The following MYOF variants were observed in gnomAD, a reference collection of about 807,000 sequenced individuals.
MYOF encodes the protein myoferlin, also known as fer-1-like 3, myoferlin.
Under a neutral mutation model 284.2 loss-of-function variants are expected in MYOF, and 244 were observed. The ratio of observed to expected loss-of-function variants is 0.86; its 90% CI spans 0.77 to 0.95. MYOF has a LOEUF of 0.95. Ranked by LOEUF, MYOF falls within the 40% of genes least tolerant of loss-of-function variation. The probability of loss-of-function intolerance (pLI) is 0.00; values close to 1 mark genes in which losing one functional copy is unlikely to be tolerated. For missense variants in MYOF, 2,496 were observed against 2,560.6 expected (o/e 0.97, Z 0.54); for synonymous variants, 904 against 919.7 (o/e 0.98, Z 0.31).
At chr10:93,464,367 C>T (rs1307707735) in intron 1 of MYOF, among the ~76,000 whole-genome samples, 1 of 152,208 alleles carries the variant, frequency 6.6e-6, no homozygotes, top group East Asian at 1.9e-4. Flanking sequence ...AACACATGCA[C>T]ACACATCCCA....
At chr10:93,351,163 T>G (rs770861416) in intron 35 of MYOF, 34 bp downstream of exon 35, 2 of 1,595,120 alleles carry the variant, frequency 1.3e-6, no homozygotes, top group East Asian at 2.2e-5. Flanking sequence ...CACATCCGTT[T>G]GATTTGATGA....
At chr10:93,388,925 A>G (rs2134031526) in intron 18 of MYOF, 105 bp downstream of exon 18, 1 of 1,414,688 alleles carries the variant, frequency 7.1e-7, no homozygotes, top group African/African-American at 1.4e-5. Context: ...TCTAAGTCTT[A>G]GGGAGTATGA....
At chr10:93,340,262 C>A (rs572233365) in intron 38 of MYOF, 98 bp from the exon 39 acceptor site, 2 of 1,265,548 alleles carry the variant, frequency 1.6e-6, no homozygotes, top group Non-Finnish European at 1.1e-6. Flanking sequence ...GAGAAAGAAG[C>A]AAAAATTATT....
chr10:93,452,176 A>G (rs138116276), intron 2 of MYOF, 35 bp from the exon 3 acceptor site: 2 of 1,467,322 alleles, frequency 1.4e-6, no homozygotes, highest in East Asian at 4.5e-5. Context: ...AAGAGAAAAA[A>G]AAAGGCTGTT....
Position 93,364,010 on chromosome 10 carries a change from C to T in MYOF, c.2819G>A (p.Arg940His), listed in dbSNP as rs770604304. The change falls in exon 27 of 54, where the codon CGC becomes CAC. Residue 940 changes from arginine to histidine, a missense_variant. Arg to His is a conservative substitution (Grantham distance 29). Transcript: ENST00000359263. ...CGGCTTCCAGTCGCCCCCGGGGTAGCGGCTCTCGTTCTGATAGACTTCATC... is the reference window on the plus strand; with the variant it reads ...CGGCTTCCAGTCGCCCCCGGGGTAGTGGCTCTCGTTCTGATAGACTTCATC... ...FTDEVYQNESRYPGGDWKPAE... is the reference protein window; with the variant it reads ...FTDEVYQNESHYPGGDWKPAE... 6.6e-5 allele frequency: 107 copies of T among 1,614,044 alleles called. 1 individual carries two copies. The highest frequency in any genetic ancestry group is 7.7e-5 in the Non-Finnish European group (91 of 1,180,038).
chr10:93,355,392 G>A (rs1182520256), intron 31 of MYOF, among the ~76,000 whole-genome samples: 3 of 152,116 alleles, frequency 2.0e-5, no homozygotes, highest in African/African-American at 2.4e-5. Context: ...TCAGGAGGTC[G>A]AGACCAGCCT....
chr10:93,399,736 G>A (rs889478694), intron 12 of MYOF, among the ~76,000 whole-genome samples: 1 of 152,194 alleles, frequency 6.6e-6, no homozygotes, highest in African/African-American at 2.4e-5. Context: ...GCTGGGTGTG[G>A]TGGCACGCGC....
chr10:93,429,891 G>C (rs575613304), intron 4 of MYOF, among the ~76,000 whole-genome samples: 1 of 151,860 alleles, frequency 6.6e-6, no homozygotes, highest in East Asian at 1.9e-4. Flanking sequence ...TAGAGAAAGA[G>C]AATTCTGGTC....
intron 5 of MYOF, among the ~76,000 whole-genome samples, chr10:93,413,389 G>A (rs764962171): frequency 6.6e-6 from 1 of 152,198 alleles, no homozygotes; most frequent in Non-Finnish European, 1.5e-5. Context: ...AATGGTACGG[G>A]CTCCACAAAG....
At chr10:93,354,576 C>G (rs1004586036) in intron 31 of MYOF, among the ~76,000 whole-genome samples, 1 of 151,982 alleles carries the variant, frequency 6.6e-6, no homozygotes, top group Non-Finnish European at 1.5e-5. Flanking sequence ...ATCTGGGAAA[C>G]AGTTAACATC....
At position 93,361,042 on chromosome 10, in the gene MYOF, C is replaced by T. The variant is rs144466944; in HGVS notation, c.2974+410G>A. Among the ~76,000 whole-genome samples, 48 of 152,304 alleles carry T rather than the reference C, an allele frequency of 3.2e-4. 1 individual carries two copies. The highest frequency in any genetic ancestry group is 4.6e-4 in the Admixed American group (7 of 15,308). ...ACATGACCCAGATGCCACAGACCAG[C>T]GGTCCCCAACCTTTCTGTCACCAAG... is the stretch of plus-strand genomic sequence containing the variant. On this transcript the variant is annotated intron_variant, in intron 28 of 53. Transcript: ENST00000359263.
intron 43 of MYOF, among the ~76,000 whole-genome samples, chr10:93,332,564 A>G (rs35651052): frequency 0.7 from 105,910 of 150,586 alleles, 37,382 homozygotes; most frequent in East Asian, 0.92. Context: ...ACTGAGTCTC[A>G]GCCTGTCGCG....
rs1037859362 is a variant in MYOF at position 93,441,611 on chromosome 10, C to A, written c.237-10095G>T. On this transcript the variant is annotated intron_variant, in intron 3 of 53. Coordinates refer to ENST00000359263, the MANE Select transcript of MYOF (RefSeq NM_013451.4). ...CAGAGTCTCACTCTGTCACCCAGGC[C>A]GGAGTGCAATGGCACGGTCTCGGCT... Among the ~76,000 whole-genome samples, 3 of 149,646 alleles carry A rather than the reference C, an allele frequency of 2.0e-5. No individual in the cohort carries two copies. The South Asian group carries it at 6.4e-4, about 32-fold the overall frequency.
At chr10:93,444,563 A>G (rs74150236) in intron 3 of MYOF, among the ~76,000 whole-genome samples, 1,831 of 152,316 alleles carry the variant, frequency 0.012, 35 homozygotes, top group African/African-American at 0.042. Context: ...GAAGAATAAA[A>G]CAGAGTAATA....
chr10:93,348,994 T>A (rs1039339070), intron 36 of MYOF, among the ~76,000 whole-genome samples: 1 of 151,860 alleles, frequency 6.6e-6, no homozygotes, highest in African/African-American at 2.4e-5. Context: ...AAATAAGAGG[T>A]TAAAGCACGT....
intron 5 of MYOF, among the ~76,000 whole-genome samples, chr10:93,422,857 G>C (rs3862023): frequency 0.18 from 27,798 of 151,964 alleles, 2,930 homozygotes; most frequent in Middle Eastern, 0.26. Context: ...ACTAACAAAT[G>C]GTGTGGCGCT....
intron 25 of MYOF, 72 bp downstream of exon 25, chr10:93,369,573 C>A: frequency 6.3e-7 from 1 of 1,593,162 alleles, no homozygotes; most frequent in Non-Finnish European, 8.6e-7. Context: ...TAAATGTTTT[C>A]CATAAAGGTG....
intron 29 of MYOF, among the ~76,000 whole-genome samples, chr10:93,358,626 G>A (rs1012898755): frequency 6.6e-6 from 1 of 152,108 alleles, no homozygotes; most frequent in African/African-American, 2.4e-5. Flanking sequence ...GCCATAAAAA[G>A]GAACGAGATC....
rs190587835 is a variant in MYOF at position 93,437,038 on chromosome 10, A to G, written c.237-5522T>C. ...CCAGCTTTCCTTGTGGAATTAATAA[A>G]CTGCAGATGTCTTCAAAGTGAAGAA... On this transcript the variant is annotated intron_variant, in intron 3 of 53. Coordinates refer to ENST00000359263, the MANE Select transcript of MYOF (RefSeq NM_013451.4). Among the ~76,000 whole-genome samples the G allele has an allele frequency of 5.3e-5, 8 of 152,266 alleles. No homozygotes were observed. The East Asian group carries it at 1.5e-3, about 29-fold the overall frequency.
Sources: allele counts gnomAD v4.1 joint callset (sites outside exome capture counted in the v4.1 genomes callset), GRCh38; gene constraint gnomAD v4.1.1; transcripts MANE v1.5; gene names NCBI Gene and HGNC (gene_info 2026-07-23, HGNC 2026-07-21).